The following ANO4 variants were observed in gnomAD, a reference collection of about 807,000 sequenced individuals.
ANO4 encodes anoctamin 4, also known as anoctamin-4.
In ANO4, 69 loss-of-function variants were observed where a neutral mutation model predicts 141.9. The observed-to-expected ratio is 0.49, with a 90% CI of 0.40 to 0.59. ANO4 has a LOEUF of 0.59. ANO4 is among the 20% of genes least tolerant of loss of function. The pLI, the probability that ANO4 is intolerant of heterozygous loss-of-function variation, is 0.00. For synonymous variants in ANO4, 350 were observed against 394.3 expected (o/e 0.89, Z 1.33); for missense variants, 894 against 1,162.2 (o/e 0.77, Z 3.36).
At chr12:100,840,717 T>G (rs984589538) in intron 1 of ANO4, among the ~76,000 whole-genome samples, 1 of 152,166 alleles carries the variant, frequency 6.6e-6, no homozygotes, top group African/African-American at 2.4e-5. Flanking sequence ...AACATATCTC[T>G]TTTCCAGACT....
chr12:101,048,774 T>C (rs1055821464), intron 14 of ANO4, among the ~76,000 whole-genome samples: 1 of 152,190 alleles, frequency 6.6e-6, no homozygotes, highest in African/African-American at 2.4e-5. Context: ...TACCCACCTT[T>C]AGCTTTCTTC....
intron 1 of ANO4, among the ~76,000 whole-genome samples, chr12:100,873,828 A>T (rs1593591392): frequency 1.3e-5 from 2 of 152,230 alleles, no homozygotes; most frequent in East Asian, 3.9e-4. Context: ...AATGGGGAAA[A>T]TGCCTCAAAG....
At chr12:101,031,417 G>A (rs1431837795) in intron 9 of ANO4, among the ~76,000 whole-genome samples, 2 of 152,140 alleles carry the variant, frequency 1.3e-5, no homozygotes, top group East Asian at 3.8e-4. Context: ...AATAAACTAG[G>A]TGTCGATTGA....
chr12:101,040,016 T>C lies in ANO4; in HGVS notation c.959T>C (p.Leu320Pro). ...THGAENHRHL[L>P]YECWASWGVW... ...GGAGCAGAAAACCACCGACATCTAC[T>C]CTATGAGTGCTGGGCCTCCTGGGGC... The change falls in exon 11 of 28, where the codon CTC becomes CCC. Residue 320 changes from leucine (L) to proline (P), a missense_variant. Physicochemically the swap from Leu to Pro is moderately conservative, Grantham distance 98. Around this residue, in one of 2 missense-constraint regions of ANO4, gnomAD observed 637 missense variants for 909.2 expected, o/e 0.70. Coordinates refer to ENST00000392977, the MANE Select transcript of ANO4 (RefSeq NM_001286615.2). 6.5e-7 allele frequency: 1 copy of C among 1,550,270 alleles called. No individual in the cohort carries two copies. Among genetic ancestry groups the C allele is most frequent in the Non-Finnish European group, 8.7e-7 (1 of 1,146,576 alleles).
chr12:101,076,139 TC>T (rs1156373857), intron 14 of ANO4, among the ~76,000 whole-genome samples: 6 of 152,098 alleles, frequency 3.9e-5, no homozygotes, highest in Non-Finnish European at 8.8e-5. Flanking sequence ...ATATTTATGT[TC>T]CCCCAAATTC....
intron 2 of ANO4, among the ~76,000 whole-genome samples, chr12:100,904,724 G>A (rs1487171700): frequency 6.6e-6 from 1 of 152,156 alleles, no homozygotes; most frequent in Non-Finnish European, 1.5e-5. Flanking sequence ...GTGAAAGGAA[G>A]CTCTTACAGG....
At chr12:100,879,251 A>C (rs1447951417) in intron 1 of ANO4, among the ~76,000 whole-genome samples, 2 of 152,144 alleles carry the variant, frequency 1.3e-5, no homozygotes, top group African/African-American at 4.8e-5. Context: ...ATTATTATGC[A>C]CTCAATTTAG....
intron 8 of ANO4, among the ~76,000 whole-genome samples, chr12:101,019,447 C>T (rs1453865046): frequency 6.6e-6 from 1 of 152,100 alleles, no homozygotes; most frequent in Non-Finnish European, 1.5e-5. Context: ...GGCTAGGGCA[C>T]TTGCTGGGAG....
upstream of ANO4, among the ~76,000 whole-genome samples, chr12:100,790,149 G>A (rs1228363919): frequency 6.6e-6 from 1 of 152,122 alleles, no homozygotes; most frequent in African/African-American, 2.4e-5. Flanking sequence ...CACTCTCTGT[G>A]GGGAATAGCA....
intron 2 of ANO4, among the ~76,000 whole-genome samples, chr12:100,903,495 G>T (rs2040692386): frequency 6.6e-6 from 1 of 152,086 alleles, no homozygotes; most frequent in Non-Finnish European, 1.5e-5. Flanking sequence ...TTTGTGATCT[G>T]GCCCCTACTG....
intron 3 of ANO4, among the ~76,000 whole-genome samples, chr12:100,753,862 C>T (rs750000961): frequency 3.2e-4 from 49 of 152,280 alleles, no homozygotes; most frequent in Admixed American, 5.2e-4. Flanking sequence ...GTCTATTGGA[C>T]GTGTTCCCAC....
In ANO4 at chr12:100,853,696, C is replaced by A. The variant is rs544854930; in HGVS notation, c.-140-47950C>A. On this transcript the variant is annotated intron_variant, in intron 1 of 27. Coordinates refer to ENST00000392977, the MANE Select transcript of ANO4 (RefSeq NM_001286615.2). ...TACTTTAGAAATTACAGCATACTTC[C>A]GTGACCTATTAACTTCCAATGTTGA... 1.6e-4 allele frequency among the ~76,000 whole-genome samples: 25 copies of A among 152,206 alleles called. No individual in the cohort carries two copies. In the South Asian group the frequency reaches 4.6e-3, roughly 28 times the overall value.
intron 1 of ANO4, among the ~76,000 whole-genome samples, chr12:100,875,683 T>G (rs572545563): frequency 6.6e-6 from 1 of 152,188 alleles, no homozygotes; most frequent in Non-Finnish European, 1.5e-5. Flanking sequence ...TTGATCAGAT[T>G]ACTGATATAT....
intron 1 of ANO4, among the ~76,000 whole-genome samples, chr12:100,847,511 A>G (rs890919613): frequency 7.5e-6 from 1 of 134,008 alleles, no homozygotes; most frequent in African/African-American, 2.8e-5. Flanking sequence ...TCACTCTGTC[A>G]CTCAGGCTGG....
rs1453184039 is a variant in ANO4, at chr12:101,128,357, T to G, written c.*501T>G. 1 of 152,638 alleles carries G rather than the reference T, an allele frequency of 6.6e-6. No homozygotes were observed. The highest frequency in any genetic ancestry group is 1.5e-5 in the Non-Finnish European group (1 of 68,050). The allele number at this position is 152,638 out of a possible 1,614,324, so 9.5% of individuals were successfully genotyped here. A position where few individuals can be genotyped will look rare whatever the true frequency, so the allele number is the denominator to read the frequency against. ...CTTTCCTTTTTTTTAATTTTAGACC[T>G]TTCTGAGAAGATTATTATATATGAC... On this transcript the variant is annotated 3_prime_UTR_variant, in exon 28 of 28. Transcript: ENST00000392977.
intron 3 of ANO4, among the ~76,000 whole-genome samples, chr12:100,759,902 C>G (rs1565859812): frequency 6.6e-6 from 1 of 152,104 alleles, no homozygotes; most frequent in African/African-American, 2.4e-5. Context: ...ACATTTGTTT[C>G]TTTTTATTTA....
intron 1 of ANO4, among the ~76,000 whole-genome samples, chr12:100,805,750 T>C (rs2034978884): frequency 1.3e-5 from 2 of 152,342 alleles, no homozygotes; most frequent in South Asian, 4.1e-4. Context: ...TTGTGATTAA[T>C]GATTTTAGGG....
At chr12:101,103,049 G>A (rs2050252363) in intron 22 of ANO4, among the ~76,000 whole-genome samples, 1 of 150,598 alleles carries the variant, frequency 6.6e-6, no homozygotes, top group South Asian at 2.1e-4. Flanking sequence ...TGTTTTGTAT[G>A]TTTGCTTATG....
chr12:100,768,400 C>A (rs574514152), intron 3 of ANO4, among the ~76,000 whole-genome samples: 2 of 152,202 alleles, frequency 1.3e-5, no homozygotes, highest in East Asian at 3.9e-4. Context: ...ACCTGGATTC[C>A]TTGACTCTTG....
Sources: gnomAD v4.1 joint callset for allele counts (sites outside exome capture counted in the v4.1 genomes callset) on GRCh38, gnomAD v4.1.1 for gene constraint, gnomAD v4.1.1 regional missense constraint, MANE v1.5 for transcripts, NCBI Gene and HGNC (gene_info 2026-07-23, HGNC 2026-07-21) for gene names.